INPP4B: variants seen among roughly 807,000 people sequenced by gnomAD.
The protein encoded by INPP4B is inositol polyphosphate 4-phosphatase type II.
A neutral mutation model predicts 122.5 loss-of-function variants in INPP4B; 55 were observed. That is an observed-to-expected ratio of 0.45 (90% confidence interval 0.36 to 0.56). INPP4B has a LOEUF of 0.56. Among genes scored for constraint, INPP4B ranks in the 20% least tolerant of loss-of-function variants. INPP4B has a pLI of 0.00. For missense variants in INPP4B, 1,000 were observed against 1,097.7 expected (o/e 0.91, Z 1.26); for synonymous variants, 403 against 388.7 (o/e 1.04, Z -0.43).
intron 2 of INPP4B, among the ~76,000 whole-genome samples, chr4:142,553,411 A>G (rs994048850): frequency 2.0e-5 from 3 of 152,192 alleles, no homozygotes; most frequent in African/African-American, 7.2e-5. Flanking sequence ...TTCACCTTCC[A>G]CAAAGCAGCT....
At chr4:142,052,500 A>G (rs1400693645) in intron 25 of INPP4B, among the ~76,000 whole-genome samples, 2 of 152,152 alleles carry the variant, frequency 1.3e-5, no homozygotes, top group East Asian at 1.9e-4. Context: ...ACACTTTTGG[A>G]AACACTTACA....
chr4:142,091,976 C>T (rs1370602840), intron 23 of INPP4B, among the ~76,000 whole-genome samples: 5 of 152,308 alleles, frequency 3.3e-5, no homozygotes, highest in South Asian at 4.1e-4. Context: ...ATGGGATGCA[C>T]CACACTCCCA....
chr4:142,260,596 T>A (rs551390515), intron 10 of INPP4B, 32 bp from the exon 11 acceptor site: 194 of 950,366 alleles, frequency 2.0e-4, no homozygotes, highest in East Asian at 8.4e-4. Context: ...AAAAAAAAAT[T>A]TTGAGAACAA....
At chr4:142,311,627 C>T (rs1156390034) in intron 8 of INPP4B, among the ~76,000 whole-genome samples, 5 of 152,106 alleles carry the variant, frequency 3.3e-5, no homozygotes, top group South Asian at 2.1e-4. Flanking sequence ...TGACTGATTG[C>T]CTATCTAACT....
intron 1 of INPP4B, among the ~76,000 whole-genome samples, chr4:142,726,875 G>A (rs1326734700): frequency 6.6e-6 from 1 of 152,142 alleles, no homozygotes; most frequent in East Asian, 1.9e-4. Context: ...CCCCATGGAG[G>A]TGATAATTGA....
chr4:142,178,580 T>C (rs1022635722), intron 15 of INPP4B, among the ~76,000 whole-genome samples: 2 of 152,096 alleles, frequency 1.3e-5, no homozygotes, highest in African/African-American at 2.4e-5. Flanking sequence ...ATCTGTTTGC[T>C]CAACCAAGCT....
chr4:142,634,218 C>G (rs1260004996), intron 2 of INPP4B, among the ~76,000 whole-genome samples: 1 of 152,078 alleles, frequency 6.6e-6, no homozygotes, highest in Non-Finnish European at 1.5e-5. Flanking sequence ...AATAAAAACT[C>G]CAGATTTAGA....
chr4:142,051,958 G>T (rs1013586208), intron 25 of INPP4B, among the ~76,000 whole-genome samples: 32 of 152,082 alleles, frequency 2.1e-4, no homozygotes, highest in African/African-American at 7.7e-4. Context: ...AAGCAATGTG[G>T]ATTCCTTATA....
At chr4:142,653,325 T>C (rs1185733086) in intron 2 of INPP4B, among the ~76,000 whole-genome samples, 1 of 152,174 alleles carries the variant, frequency 6.6e-6, no homozygotes, top group Non-Finnish European at 1.5e-5. Context: ...AAGGACTTCA[T>C]GACTAAGACA....
chr4:142,029,177 G>T (rs1738241527), intron 25 of INPP4B: 2 of 1,136,692 alleles, frequency 1.8e-6, no homozygotes, highest in African/African-American at 1.6e-5. Context: ...AATATAATTT[G>T]CTCCACAATA....
At chr4:142,561,272 A>C (rs1730409539) in intron 2 of INPP4B, among the ~76,000 whole-genome samples, 1 of 152,218 alleles carries the variant, frequency 6.6e-6, no homozygotes, top group East Asian at 1.9e-4. Context: ...ATACTGTTTT[A>C]AAAGATACTT....
intron 15 of INPP4B, among the ~76,000 whole-genome samples, chr4:142,180,075 A>G (rs113981262): frequency 3.9e-5 from 6 of 152,278 alleles, no homozygotes; most frequent in African/African-American, 1.4e-4. Context: ...ATACTCTGCA[A>G]ATATAAAAGT....
chr4:142,095,793 A>G (rs1781551099), intron 23 of INPP4B, among the ~76,000 whole-genome samples: 1 of 152,192 alleles, frequency 6.6e-6, no homozygotes, highest in Admixed American at 6.5e-5. Flanking sequence ...AAAAAGCTTC[A>G]CGATCAAATT....
chr4:142,476,056 T>C (rs1819728540), intron 2 of INPP4B, among the ~76,000 whole-genome samples: 1 of 152,056 alleles, frequency 6.6e-6, no homozygotes, highest in Non-Finnish European at 1.5e-5. Context: ...TTCTTCAATG[T>C]TGAAATGAAA....
chr4:142,364,919 T>C (rs1452535784), intron 7 of INPP4B, among the ~76,000 whole-genome samples: 1 of 152,032 alleles, frequency 6.6e-6, no homozygotes, highest in Admixed American at 6.6e-5. Flanking sequence ...TTTTCCCTTT[T>C]CTTTCTCCCC....
intron 14 of INPP4B, chr4:142,202,684 C>CT: frequency 1.1e-6 from 1 of 952,236 alleles, no homozygotes; most frequent in Non-Finnish European, 1.3e-6. Context: ...TCACCTACAG[C>CT]TTTATGATAT....
rs981060340 is a variant in INPP4B, at chr4:142,357,344, T to C, written c.373-42582A>G. ...GGTCTTTGCTAACGGCACTGGTTAGTCTTAGAATTAAATTGCTGAACACAC... is the reference window on the plus strand; with the variant it reads ...GGTCTTTGCTAACGGCACTGGTTAGCCTTAGAATTAAATTGCTGAACACAC... On this transcript the variant is annotated intron_variant, in intron 7 of 25. Transcript: ENST00000262992. Among the ~76,000 whole-genome samples, 9 of 152,100 alleles carry C rather than the reference T, an allele frequency of 5.9e-5. No homozygotes were observed. The South Asian group carries it at 1.9e-3, about 32-fold the overall frequency.
At chr4:142,529,143 T>C (rs1827285065) in intron 2 of INPP4B, among the ~76,000 whole-genome samples, 1 of 152,078 alleles carries the variant, frequency 6.6e-6, no homozygotes. Context: ...CAACGGATGC[T>C]TTTATGGAAT....
At chr4:142,114,877 G>T (rs12500675) in intron 21 of INPP4B, among the ~76,000 whole-genome samples, 20,125 of 151,762 alleles carry the variant, frequency 0.13, 1,501 homozygotes, top group East Asian at 0.24. Context: ...TAAAGGAGAA[G>T]GTTCAAACCC....
Sources: gnomAD v4.1 joint callset for allele counts (sites outside exome capture counted in the v4.1 genomes callset) on GRCh38, gnomAD v4.1.1 for gene constraint, MANE v1.5 for transcripts, NCBI Gene and HGNC (gene_info 2026-07-23, HGNC 2026-07-21) for gene names.